GLIS1: variants seen among roughly 807,000 people sequenced by gnomAD.
The protein encoded by GLIS1 is GLIS family zinc finger 1, also known as zinc finger protein GLIS1.
In GLIS1, 24 loss-of-function variants were observed where a neutral mutation model predicts 63.8. That is an observed-to-expected ratio of 0.38 (90% CI 0.27 to 0.53). The LOEUF (loss-of-function observed/expected upper bound fraction) is 0.53. Ranked by LOEUF, GLIS1 falls within the 20% of genes least tolerant of loss-of-function variation. GLIS1 has a pLI of 0.85. For synonymous variants in GLIS1, 450 were observed against 482.5 expected (o/e 0.93, Z 0.88); for missense variants, 1,036 against 1,074.1 (o/e 0.96, Z 0.50).
intron 2 of GLIS1, among the ~76,000 whole-genome samples, chr1:53,706,057 T>C (rs1025378627): frequency 1.2e-4 from 18 of 152,202 alleles, no homozygotes; most frequent in Non-Finnish European, 2.6e-4. Context: ...CCTCAGTTTA[T>C]CTTTAACAAT....
chr1:53,702,773 A>C (rs1646537736), intron 2 of GLIS1, among the ~76,000 whole-genome samples: 2 of 152,184 alleles, frequency 1.3e-5, no homozygotes, highest in African/African-American at 2.4e-5. Flanking sequence ...CATTCTCTGC[A>C]TGGCCATAAA....
At chr1:53,629,676 C>T (rs1193988888) in intron 2 of GLIS1, among the ~76,000 whole-genome samples, 6 of 152,256 alleles carry the variant, frequency 3.9e-5, no homozygotes, top group African/African-American at 1.4e-4. Context: ...TGCTTCTTGT[C>T]ATCAGGATCA....
At chr1:53,620,221 C>T (rs930963116) in intron 2 of GLIS1, among the ~76,000 whole-genome samples, 2 of 152,212 alleles carry the variant, frequency 1.3e-5, no homozygotes, top group Non-Finnish European at 1.5e-5. Flanking sequence ...TTCACGTTTA[C>T]ACAGATGACC....
At chr1:53,666,080 C>G (rs4927025) in intron 2 of GLIS1, among the ~76,000 whole-genome samples, 1 of 152,006 alleles carries the variant, frequency 6.6e-6, no homozygotes, top group Non-Finnish European at 1.5e-5. Flanking sequence ...CCAGAATGCA[C>G]GAGGTTACAC....
chr1:53,531,687 T>C (rs1330505194), intron 4 of GLIS1, among the ~76,000 whole-genome samples: 1 of 152,056 alleles, frequency 6.6e-6, no homozygotes, highest in East Asian at 1.9e-4. Context: ...AGCGACGTGG[T>C]TGAGATGTCA....
At chr1:53,535,775 A>G (rs1454690898) in intron 4 of GLIS1, among the ~76,000 whole-genome samples, 1 of 151,926 alleles carries the variant, frequency 6.6e-6, no homozygotes, top group Non-Finnish European at 1.5e-5. Flanking sequence ...TCCACGAGCT[A>G]TCTGAAAAGA....
chr1:53,662,720 C>T (rs984778915), intron 2 of GLIS1, among the ~76,000 whole-genome samples: 10 of 152,166 alleles, frequency 6.6e-5, no homozygotes, highest in Admixed American at 1.3e-4. Context: ...CCCACCCTCA[C>T]CTCCAAACCT....
chr1:53,593,348 C>A (rs888966227), intron 4 of GLIS1, among the ~76,000 whole-genome samples: 8 of 152,262 alleles, frequency 5.3e-5, no homozygotes, highest in African/African-American at 1.9e-4. Flanking sequence ...ACAGTATTCC[C>A]CACAGACGGG....
intron 4 of GLIS1, among the ~76,000 whole-genome samples, chr1:53,593,095 C>T (rs546500838): frequency 2.8e-4 from 42 of 152,378 alleles, no homozygotes; most frequent in South Asian, 1.4e-3. Flanking sequence ...TTGCACAAGT[C>T]CAAGTGTGAA....
At chr1:53,692,162 G>A (rs559081399) in intron 2 of GLIS1, among the ~76,000 whole-genome samples, 27 of 152,280 alleles carry the variant, frequency 1.8e-4, no homozygotes, top group Non-Finnish European at 3.8e-4. Flanking sequence ...CACCTAAAGA[G>A]GGAAGGGTTT....
At chr1:53,510,392 G>A (rs1644287317) in intron 8 of GLIS1, among the ~76,000 whole-genome samples, 1 of 152,114 alleles carries the variant, frequency 6.6e-6, no homozygotes, top group African/African-American at 2.4e-5. Flanking sequence ...GCTCACCACC[G>A]GGCACGCTGC....
Position 53,509,111 on chromosome 1 carries a change from AG to A in GLIS1, c.2230+8del. Reference sequence around the variant, plus strand: ...GCCCAGGACTGGGAGCCACGCAGGCAGGGCTCACCTGTGGCAGGCAAGGGCG... The same window carrying A: ...GCCCAGGACTGGGAGCCACGCAGGCAGGCTCACCTGTGGCAGGCAAGGGCG... On this transcript the variant is annotated splice_region_variant and intron_variant, in intron 10 of 10. Coordinates refer to ENST00000628545, the MANE Select transcript of GLIS1 (RefSeq NM_001367484.1). 1 of 1,563,552 alleles carries A rather than the reference AG, an allele frequency of 6.4e-7. No individual in the cohort carries two copies. The highest frequency in any genetic ancestry group is 8.7e-7 in the Non-Finnish European group (1 of 1,149,696).
intron 2 of GLIS1, among the ~76,000 whole-genome samples, chr1:53,619,924 C>T (rs1645524227): frequency 6.6e-6 from 1 of 152,248 alleles, no homozygotes; most frequent in Admixed American, 6.5e-5. Flanking sequence ...GAGTTCCCAT[C>T]AGGCAGTCAT....
intron 8 of GLIS1, among the ~76,000 whole-genome samples, chr1:53,510,538 G>A (rs1197842846): frequency 1.3e-5 from 2 of 152,166 alleles, no homozygotes; most frequent in Non-Finnish European, 2.9e-5. Flanking sequence ...CCAGGTCCTG[G>A]GAGACAGGTG....
intron 2 of GLIS1, among the ~76,000 whole-genome samples, chr1:53,659,271 T>C (rs1038374180): frequency 6.6e-6 from 1 of 152,106 alleles, no homozygotes; most frequent in African/African-American, 2.4e-5. Context: ...TGAGGGCAAT[T>C]GGGAACAGGG....
At chr1:53,586,681 C>A (rs1645138843) in intron 4 of GLIS1, among the ~76,000 whole-genome samples, 1 of 152,172 alleles carries the variant, frequency 6.6e-6, no homozygotes, top group Non-Finnish European at 1.5e-5. Flanking sequence ...TGAGGGGTGG[C>A]AAAGCTAGGT....
intron 2 of GLIS1, among the ~76,000 whole-genome samples, chr1:53,678,943 C>T (rs1329982413): frequency 6.6e-6 from 1 of 152,326 alleles, no homozygotes; most frequent in South Asian, 2.1e-4. Context: ...GGTCTGGGTT[C>T]CCAGGGAGCA....
At chr1:53,724,540 G>A (rs1570106892) in intron 2 of GLIS1, among the ~76,000 whole-genome samples, 1 of 152,308 alleles carries the variant, frequency 6.6e-6, no homozygotes, top group African/African-American at 2.4e-5. Context: ...TATTTTGAGA[G>A]ATAGGGTCTT....
At chr1:53,585,545 G>GA (rs1233041185) in intron 4 of GLIS1, among the ~76,000 whole-genome samples, 1 of 131,358 alleles carries the variant, frequency 7.6e-6, no homozygotes, top group Non-Finnish European at 1.6e-5. Flanking sequence ...GAATGGGGGT[G>GA]AAACAGGGCA....
Sources: gnomAD v4.1 joint callset for allele counts (sites outside exome capture counted in the v4.1 genomes callset) on GRCh38, gnomAD v4.1.1 for gene constraint, MANE v1.5 for transcripts, NCBI Gene and HGNC (gene_info 2026-07-23, HGNC 2026-07-21) for gene names.